Variants in PPP1R1C observed in about 807,000 individuals in gnomAD.
PPP1R1C encodes protein phosphatase 1 regulatory inhibitor subunit 1C.
In PPP1R1C, 15 loss-of-function variants were observed where a neutral mutation model predicts 17.4. The observed-to-expected ratio is 0.86, with a 90% CI of 0.58 to 1.33. The LOEUF is 1.33. Among genes scored for constraint, PPP1R1C ranks in the 40% most tolerant of loss-of-function variants. The probability of loss-of-function intolerance (pLI) is 0.00; values close to 1 mark genes in which losing one functional copy is unlikely to be tolerated. For synonymous variants in PPP1R1C, 35 were observed against 43.1 expected, an observed-to-expected ratio of 0.81 and a Z score of 0.73; for missense variants, 143 against 130.0, an observed-to-expected ratio of 1.10 and a Z score of -0.48.
chr2:182,119,885 C>T (rs10930989), downstream of PPP1R1C, among the ~76,000 whole-genome samples: 103,160 of 151,904 alleles, frequency 0.68, 35,292 homozygotes, highest in African/African-American at 0.75. Flanking sequence ...TAGTTTCTTT[C>T]GCTGTGCAGA....
At chr2:182,007,801 G>A (rs1209100918) in intron 2 of PPP1R1C, among the ~76,000 whole-genome samples, 2 of 152,196 alleles carry the variant, frequency 1.3e-5, no homozygotes, top group Non-Finnish European at 2.9e-5. Flanking sequence ...GGTGGCTCAC[G>A]CCTGTAATCC....
At chr2:181,970,969 G>C (rs1684996077) in intron 1 of PPP1R1C, among the ~76,000 whole-genome samples, 1 of 152,038 alleles carries the variant, frequency 6.6e-6, no homozygotes, top group South Asian at 2.1e-4. Context: ...CTTCAGGCCA[G>C]TGGGCTCCCC....
intron 4 of PPP1R1C, among the ~76,000 whole-genome samples, chr2:182,074,803 T>C (rs1379260431): frequency 6.6e-6 from 1 of 152,216 alleles, no homozygotes; most frequent in Non-Finnish European, 1.5e-5. Context: ...ATGCACTCTT[T>C]CTGTTGAGTG....
At chr2:182,100,496 G>T (rs539864375) in intron 4 of PPP1R1C, among the ~76,000 whole-genome samples, 1 of 149,510 alleles carries the variant, frequency 6.7e-6, no homozygotes, top group Non-Finnish European at 1.5e-5. Context: ...GCAACAGAGC[G>T]AGATTCCATC....
intron 4 of PPP1R1C, among the ~76,000 whole-genome samples, chr2:182,097,655 C>A (rs1014176436): frequency 6.6e-6 from 1 of 152,154 alleles, no homozygotes; most frequent in African/African-American, 2.4e-5. Flanking sequence ...AGAAACAAGG[C>A]CTGTCTTAAT....
At chr2:181,972,296 G>C (rs1480728756) in intron 1 of PPP1R1C, among the ~76,000 whole-genome samples, 1 of 152,184 alleles carries the variant, frequency 6.6e-6, no homozygotes, top group African/African-American at 2.4e-5. Context: ...ATATACTTCA[G>C]TAAGTCAGAG....
chr2:182,094,954 T>C (rs77743551), intron 4 of PPP1R1C, among the ~76,000 whole-genome samples: 116 of 152,278 alleles, frequency 7.6e-4, no homozygotes, highest in Non-Finnish European at 1.2e-3. Context: ...TATCTATGTA[T>C]AGATCAAAGG....
intron 2 of PPP1R1C, among the ~76,000 whole-genome samples, chr2:182,060,759 G>A (rs940872633): frequency 6.6e-6 from 1 of 152,090 alleles, no homozygotes; most frequent in African/African-American, 2.4e-5. Flanking sequence ...AGAGGAACTA[G>A]GTGAAGAAGC....
chr2:182,003,716 G>C (rs1021409733), intron 2 of PPP1R1C, among the ~76,000 whole-genome samples: 1 of 151,800 alleles, frequency 6.6e-6, no homozygotes, highest in Non-Finnish European at 1.5e-5. Flanking sequence ...TGTAGTGTGT[G>C]TGTATGTAAA....
intron 1 of PPP1R1C, among the ~76,000 whole-genome samples, chr2:181,968,179 G>A (rs1684939742): frequency 6.6e-6 from 1 of 152,192 alleles, no homozygotes; most frequent in African/African-American, 2.4e-5. Flanking sequence ...TTAGTTGTTG[G>A]ATGAAATGTT....
intron 3 of PPP1R1C, among the ~76,000 whole-genome samples, chr2:182,062,023 T>C (rs1476564186): frequency 1.3e-5 from 2 of 152,036 alleles, no homozygotes; most frequent in East Asian, 1.9e-4. Flanking sequence ...GGAGTTTATA[T>C]AGAAAATAGA....
At chr2:182,130,596 T>C (rs2125245065), downstream of PPP1R1C, 1 of 152,322 alleles carries the variant, frequency 6.6e-6, no homozygotes, top group Non-Finnish European at 1.5e-5. Flanking sequence ...CTTTTCTTTC[T>C]TTATTGTTTA....
chr2:182,059,557 A>G (rs971305669), intron 2 of PPP1R1C, among the ~76,000 whole-genome samples: 1 of 152,072 alleles, frequency 6.6e-6, no homozygotes, highest in Non-Finnish European at 1.5e-5. Flanking sequence ...GGCAACTATG[A>G]TCTGTTATTG....
At position 182,117,365 on chromosome 2, in the gene PPP1R1C, ATTCCAC is replaced by A. The variant is rs1228306398; in HGVS notation, c.*72_*77del. Reference sequence around the variant, plus strand: ...TTAACTTTTCTGAGTATACCATGGAATTCCACTGCTTGACTTCCAGAAGCATCCTCC... The same window carrying A: ...TTAACTTTTCTGAGTATACCATGGAATGCTTGACTTCCAGAAGCATCCTCC... On this transcript the variant is annotated 3_prime_UTR_variant, in exon 5 of 5. Transcript: ENST00000682840. The A allele has an allele frequency of 8.9e-6, 10 of 1,124,578 alleles. No individual in the cohort carries two copies. Among genetic ancestry groups the A allele is most frequent in the Non-Finnish European group, 1.3e-5 (10 of 774,734 alleles). The allele number at this position is 1,124,578 out of a possible 1,614,324, so 69.7% of individuals were successfully genotyped here. A position where few individuals can be genotyped will look rare whatever the true frequency, so the allele number is the denominator to read the frequency against.
chr2:182,039,484 A>T (rs1222887691), intron 2 of PPP1R1C, among the ~76,000 whole-genome samples: 4 of 152,126 alleles, frequency 2.6e-5, no homozygotes, highest in Non-Finnish European at 5.9e-5. Flanking sequence ...TCCCCGACTC[A>T]GGTAATTCTC....
intron 5 of PPP1R1C, among the ~76,000 whole-genome samples, chr2:182,125,995 T>C (rs1358987056): frequency 6.6e-6 from 1 of 152,144 alleles, no homozygotes; most frequent in Admixed American, 6.6e-5. Flanking sequence ...TTCTTTTAAT[T>C]GTGATGTTAG....
At chr2:182,026,532 T>A (rs1447090919) in intron 2 of PPP1R1C, among the ~76,000 whole-genome samples, 1 of 148,858 alleles carries the variant, frequency 6.7e-6, no homozygotes, top group Non-Finnish European at 1.5e-5. Flanking sequence ...ATATGCGGCG[T>A]TATTTCTGAG....
chr2:182,110,996 G>A (rs1435075240), intron 4 of PPP1R1C, among the ~76,000 whole-genome samples: 1 of 152,000 alleles, frequency 6.6e-6, no homozygotes, highest in East Asian at 1.9e-4. Flanking sequence ...CTCATCCTGG[G>A]CCAAGCAGCA....
At chr2:182,039,430 G>A (rs1019532421) in intron 2 of PPP1R1C, among the ~76,000 whole-genome samples, 11 of 152,066 alleles carry the variant, frequency 7.2e-5, no homozygotes, top group Admixed American at 7.2e-4. Context: ...TGTCTCCTAG[G>A]CTAGAATGCA....
Sources: allele counts gnomAD v4.1 joint callset (sites outside exome capture counted in the v4.1 genomes callset), GRCh38; gene constraint gnomAD v4.1.1; transcripts MANE v1.5; gene names NCBI Gene and HGNC (gene_info 2026-07-23, HGNC 2026-07-21).